Variants in NFATC3 observed in about 807,000 individuals in gnomAD.
NFATC3 encodes the protein nuclear factor of activated T-cells, cytoplasmic 3.
A neutral mutation model predicts 98.6 loss-of-function variants in NFATC3; 46 were observed. The observed-to-expected ratio is 0.47, with a 90% CI of 0.37 to 0.60. The LOEUF (loss-of-function observed/expected upper bound fraction) is 0.60. NFATC3 is among the 20% of genes least tolerant of loss of function. The probability of loss-of-function intolerance (pLI) is 0.00; values close to 1 mark genes in which losing one functional copy is unlikely to be tolerated. For missense variants in NFATC3, 1,256 were observed against 1,295.5 expected, an observed-to-expected ratio of 0.97 and a Z score of 0.47; for synonymous variants, 512 against 472.2, an observed-to-expected ratio of 1.08 and a Z score of -1.09.
intron 9 of NFATC3, 146 bp downstream of exon 9, chr16:68,191,921 A>G (rs2040424365): frequency 2.2e-6 from 2 of 895,868 alleles, no homozygotes; most frequent in African/African-American, 1.7e-5. Context: ...ATGTTAATAT[A>G]TAACTTTGCC....
At chr16:68,144,921 G>C (rs2037957248) in intron 3 of NFATC3, among the ~76,000 whole-genome samples, 1 of 152,070 alleles carries the variant, frequency 6.6e-6, no homozygotes, top group African/African-American at 2.4e-5. Flanking sequence ...GCCTCCCAAA[G>C]TGCTGGGATT....
chr16:68,210,567 T>C (rs976438173), intron 9 of NFATC3, among the ~76,000 whole-genome samples: 1 of 152,190 alleles, frequency 6.6e-6, no homozygotes, highest in Non-Finnish European at 1.5e-5. Flanking sequence ...GGTCTTGCCA[T>C]GTTGCCCATG....
At chr16:68,120,192 G>A (rs1249608912) in intron 1 of NFATC3, among the ~76,000 whole-genome samples, 1 of 150,418 alleles carries the variant, frequency 6.6e-6, no homozygotes, top group African/African-American at 2.5e-5. Flanking sequence ...GAGGTGGGAG[G>A]ATCACTTGAC....
chr16:68,106,679 G>A (rs1384554453), intron 1 of NFATC3, among the ~76,000 whole-genome samples: 2 of 151,960 alleles, frequency 1.3e-5, no homozygotes, highest in Non-Finnish European at 2.9e-5. Context: ...GTCCACCTCA[G>A]CCTCCCAAAG....
intron 3 of NFATC3, among the ~76,000 whole-genome samples, chr16:68,147,873 G>A (rs1466206969): frequency 6.6e-6 from 1 of 151,360 alleles, no homozygotes; most frequent in African/African-American, 2.4e-5. Flanking sequence ...TGAATCTCAC[G>A]TGGCATTATT....
At chr16:68,086,911 T>A in intron 1 of NFATC3, 1 of 517,080 alleles carries the variant, frequency 1.9e-6, no homozygotes, top group Non-Finnish European at 2.5e-6. Flanking sequence ...TCCATTAACA[T>A]AATTTGAGCA....
At chr16:68,147,832 A>AT (rs142285369) in intron 3 of NFATC3, among the ~76,000 whole-genome samples, 4,062 of 148,710 alleles carry the variant, frequency 0.027, 177 homozygotes, top group African/African-American at 0.093. Flanking sequence ...CTCTACCTTC[A>AT]TTTTTTTTTA....
In NFATC3 at chr16:68,198,468, ACT is replaced by A. The variant is rs946311100; in HGVS notation, c.3106+6696_3106+6697del. Among the ~76,000 whole-genome samples, 9 of 152,106 alleles carry A rather than the reference ACT, an allele frequency of 5.9e-5. 1 individual carries two copies. The highest frequency in any genetic ancestry group is 2.2e-4 in the African/African-American group (9 of 41,410). ...AATAAAGACTAAAACCTGTTTTCTG[ACT>A]CTAGGAGTTTTTCTAGAATCTGTAA... is the stretch of plus-strand genomic sequence containing the variant. On this transcript the variant is annotated intron_variant, in intron 9 of 9. Transcript: ENST00000346183.
intron 3 of NFATC3, among the ~76,000 whole-genome samples, chr16:68,146,696 A>C (rs751961145): frequency 6.6e-6 from 1 of 152,208 alleles, no homozygotes; most frequent in Non-Finnish European, 1.5e-5. Flanking sequence ...CTCTTATTGA[A>C]GTTGCTGTAG....
At chr16:68,217,965 T>C in intron 9 of NFATC3, 2 of 1,214,748 alleles carry the variant, frequency 1.6e-6, no homozygotes, top group Non-Finnish European at 2.0e-6. Context: ...TGAATTAAGA[T>C]AATTAGCAGC....
intron 9 of NFATC3, among the ~76,000 whole-genome samples, chr16:68,196,432 T>G (rs2040673626): frequency 6.6e-6 from 1 of 152,198 alleles, no homozygotes; most frequent in African/African-American, 2.4e-5. Flanking sequence ...AAAATGAATT[T>G]TTGATATTTT....
intron 1 of NFATC3, among the ~76,000 whole-genome samples, chr16:68,107,460 C>A (rs529605882): frequency 1.3e-5 from 2 of 152,264 alleles, no homozygotes; most frequent in South Asian, 4.1e-4. Context: ...TGGTGGCTTA[C>A]GCCTGTAATC....
At chr16:68,129,112 A>T (rs1261849116) in intron 3 of NFATC3, among the ~76,000 whole-genome samples, 1 of 152,066 alleles carries the variant, frequency 6.6e-6, no homozygotes, top group Non-Finnish European at 1.5e-5. Context: ...AATTTGAAAA[A>T]TAGCCAAGTA....
chr16:68,192,251 A>ATATATGTATG (rs1427447833), intron 9 of NFATC3: 12 of 109,116 alleles, frequency 1.1e-4, no homozygotes, highest in African/African-American at 2.8e-4. Context: ...ATATATATAT[A>ATATATGTATG]TATGTATGTG....
intron 3 of NFATC3, among the ~76,000 whole-genome samples, chr16:68,136,854 G>A (rs1374788194): frequency 6.6e-6 from 1 of 152,128 alleles, no homozygotes; most frequent in Non-Finnish European, 1.5e-5. Flanking sequence ...AACATGTTGA[G>A]AGCTTGTCTC....
At chr16:68,193,194 G>T (rs1463691268) in intron 9 of NFATC3, among the ~76,000 whole-genome samples, 1 of 152,014 alleles carries the variant, frequency 6.6e-6, no homozygotes, top group Non-Finnish European at 1.5e-5. Flanking sequence ...ATTTAAAGGG[G>T]GTATGTGGAT....
intron 8 of NFATC3, among the ~76,000 whole-genome samples, chr16:68,190,185 AG>A (rs2040376613): frequency 6.6e-6 from 1 of 152,168 alleles, no homozygotes; most frequent in Admixed American, 6.5e-5. Context: ...TGTGGATTTT[AG>A]TACTTGTTTT....
At chr16:68,126,920 A>G (rs1381042039) in intron 3 of NFATC3, among the ~76,000 whole-genome samples, 1 of 152,208 alleles carries the variant, frequency 6.6e-6, no homozygotes, top group Non-Finnish European at 1.5e-5. Context: ...ATGCTCATTT[A>G]AAATTTAATA....
intron 1 of NFATC3, among the ~76,000 whole-genome samples, chr16:68,092,443 ACTCT>A (rs1168515120): frequency 1.4e-5 from 2 of 143,780 alleles, no homozygotes; most frequent in Non-Finnish European, 3.0e-5. Flanking sequence ...ACAGAGTAAA[ACTCT>A]CTCTCAAAAA....
Sources: gnomAD v4.1 joint callset for allele counts (sites outside exome capture counted in the v4.1 genomes callset) on GRCh38, gnomAD v4.1.1 for gene constraint, MANE v1.5 for transcripts, NCBI Gene and HGNC (gene_info 2026-07-23, HGNC 2026-07-21) for gene names.